KCND2: variants seen among roughly 807,000 people sequenced by gnomAD.
The protein encoded by KCND2 is potassium voltage-gated channel subfamily D member 2.
In KCND2, 16 loss-of-function variants were observed where a neutral mutation model predicts 54.4. That is an observed-to-expected ratio of 0.29 (90% CI 0.20 to 0.45). KCND2 has a LOEUF of 0.45. Ranked by LOEUF, KCND2 falls within the 20% of genes least tolerant of loss-of-function variation. The pLI is 1.00. For synonymous variants in KCND2, 317 were observed against 310.7 expected (o/e 1.02, Z -0.21); for missense variants, 486 against 824.2 (o/e 0.59, Z 5.02).
At position 120,375,610 on chromosome 7, in the gene KCND2, G is replaced by T. The variant is rs559638902; in HGVS notation, c.1115+99863G>T. Among the ~76,000 whole-genome samples the T allele has an allele frequency of 1.0e-3, 156 of 151,850 alleles. 1 individual carries two copies. Among genetic ancestry groups the T allele is most frequent in the African/African-American group, 3.6e-3 (149 of 41,504 alleles). ...GGCATTATTTTTATATAGATAAAAA[G>T]ATATGGTTCTTCATTCTATTACACG... On this transcript the variant is annotated intron_variant, in intron 1 of 5. Transcript: ENST00000331113.
At chr7:120,507,799 C>T (rs1803050276) in intron 1 of KCND2, among the ~76,000 whole-genome samples, 1 of 151,770 alleles carries the variant, frequency 6.6e-6, no homozygotes, top group Non-Finnish European at 1.5e-5. Flanking sequence ...TCTTTGCTTA[C>T]ACTAAAACCT....
At chr7:120,629,463 G>A (rs1010497234) in intron 1 of KCND2, among the ~76,000 whole-genome samples, 3 of 152,138 alleles carry the variant, frequency 2.0e-5, no homozygotes, top group Non-Finnish European at 4.4e-5. Flanking sequence ...TCCATCCTGG[G>A]CGACAGAGCG....
At chr7:120,516,239 G>A (rs1019952389) in intron 1 of KCND2, among the ~76,000 whole-genome samples, 11 of 151,784 alleles carry the variant, frequency 7.2e-5, no homozygotes, top group East Asian at 5.8e-4. Flanking sequence ...TCTTTTATTC[G>A]GCACTGCAAA....
intron 1 of KCND2, among the ~76,000 whole-genome samples, chr7:120,687,302 C>T (rs370514531): frequency 1.3e-5 from 2 of 152,080 alleles, no homozygotes; most frequent in East Asian, 1.9e-4. Flanking sequence ...AGTCGATCTT[C>T]AGCAGATATA....
intron 1 of KCND2, among the ~76,000 whole-genome samples, chr7:120,463,549 CT>C (rs1802318014): frequency 6.6e-6 from 1 of 151,960 alleles, no homozygotes; most frequent in South Asian, 2.1e-4. Context: ...ATTTTTTTAA[CT>C]GAAGTGCCTA....
chr7:120,746,335 G>A (rs1348653644), intron 5 of KCND2, among the ~76,000 whole-genome samples: 10 of 152,070 alleles, frequency 6.6e-5, no homozygotes, highest in Admixed American at 4.6e-4. Flanking sequence ...ATACTCAGGA[G>A]TCTCTTATAT....
intron 1 of KCND2, among the ~76,000 whole-genome samples, chr7:120,385,415 T>C (rs560289724): frequency 6.6e-6 from 1 of 152,202 alleles, no homozygotes. Context: ...AGGGACTTAG[T>C]AAATGTTGGT....
At chr7:120,584,545 AC>A (rs1368512563) in intron 1 of KCND2, among the ~76,000 whole-genome samples, 3 of 152,250 alleles carry the variant, frequency 2.0e-5, no homozygotes, top group African/African-American at 7.2e-5. Context: ...TGAAACAGGT[AC>A]ATGGGGAGCA....
chr7:120,489,517 G>A (rs1802745564), intron 1 of KCND2, among the ~76,000 whole-genome samples: 1 of 152,124 alleles, frequency 6.6e-6, no homozygotes, highest in Admixed American at 6.6e-5. Flanking sequence ...CAGAAATCCT[G>A]TGTTCATTAC....
At chr7:120,548,379 C>G (rs1442821775) in intron 1 of KCND2, among the ~76,000 whole-genome samples, 1 of 152,092 alleles carries the variant, frequency 6.6e-6, no homozygotes, top group African/African-American at 2.4e-5. Context: ...TCATCGGCTA[C>G]TAGGGAAGCA....
At chr7:120,543,903 A>G (rs1402720696) in intron 1 of KCND2, among the ~76,000 whole-genome samples, 3 of 152,078 alleles carry the variant, frequency 2.0e-5, no homozygotes, top group East Asian at 3.9e-4. Context: ...AGCAATTATT[A>G]TCTTCTATGA....
intron 2 of KCND2, among the ~76,000 whole-genome samples, chr7:120,740,595 G>A (rs1792928068): frequency 6.6e-6 from 1 of 152,100 alleles, no homozygotes; most frequent in Non-Finnish European, 1.5e-5. Flanking sequence ...ACAGCAGTTA[G>A]AAAGTAGAAT....
intron 1 of KCND2, among the ~76,000 whole-genome samples, chr7:120,525,820 C>T (rs1016500804): frequency 2.6e-5 from 4 of 152,186 alleles, no homozygotes; most frequent in Admixed American, 2.6e-4. Context: ...TGAAGTCAAA[C>T]TGAGACTTCT....
At chr7:120,514,198 A>C (rs1395269859) in intron 1 of KCND2, among the ~76,000 whole-genome samples, 2 of 152,150 alleles carry the variant, frequency 1.3e-5, no homozygotes, top group Admixed American at 1.3e-4. Context: ...TCTGATTTTC[A>C]CATTCAAAAA....
intron 1 of KCND2, among the ~76,000 whole-genome samples, chr7:120,303,518 G>A (rs2116299553): frequency 6.6e-6 from 1 of 152,260 alleles, no homozygotes; most frequent in Admixed American, 6.5e-5. Context: ...AGCCTCCAAA[G>A]TAATATTTAG....
chr7:120,394,211 G>C (rs1240156037), intron 1 of KCND2, among the ~76,000 whole-genome samples: 1 of 151,932 alleles, frequency 6.6e-6, no homozygotes, highest in Non-Finnish European at 1.5e-5. Flanking sequence ...CTTCCTGAAG[G>C]CTCAGAAGTT....
chr7:120,326,018 G>T (rs1439937369), intron 1 of KCND2, among the ~76,000 whole-genome samples: 4 of 152,090 alleles, frequency 2.6e-5, no homozygotes, highest in Non-Finnish European at 5.9e-5. Context: ...CTTGATAAAT[G>T]AGAAGTGGTT....
intron 1 of KCND2, among the ~76,000 whole-genome samples, chr7:120,601,979 A>G (rs755025666): frequency 8.5e-5 from 13 of 152,192 alleles, no homozygotes; most frequent in Non-Finnish European, 1.5e-4. Flanking sequence ...TCAAAAATAA[A>G]ACTGTCTAGT....
intron 1 of KCND2, among the ~76,000 whole-genome samples, chr7:120,575,660 A>G (rs952994733): frequency 6.6e-6 from 1 of 152,214 alleles, no homozygotes; most frequent in Non-Finnish European, 1.5e-5. Context: ...CAAAATTTGT[A>G]CACCTGGCTA....
Sources: allele counts gnomAD v4.1 joint callset (sites outside exome capture counted in the v4.1 genomes callset), GRCh38; gene constraint gnomAD v4.1.1; transcripts MANE v1.5; gene names NCBI Gene and HGNC (gene_info 2026-07-23, HGNC 2026-07-21).